CFAP299: variants seen among roughly 807,000 people sequenced by gnomAD.
The protein encoded by CFAP299 is cilia and flagella associated protein 299, also known as cilia- and flagella-associated protein 299.
In CFAP299, 21 loss-of-function variants were observed where a neutral mutation model predicts 27.0. That is an observed-to-expected ratio of 0.78 (90% CI 0.55 to 1.12). The LOEUF is 1.12. CFAP299 is among the 50% of genes most tolerant of loss of function. CFAP299 has a pLI of 0.00. For missense variants in CFAP299, 310 were observed against 276.6 expected, an observed-to-expected ratio of 1.12 and a Z score of -0.86; for synonymous variants, 104 against 98.1, an observed-to-expected ratio of 1.06 and a Z score of -0.36.
At chr4:80,874,223 A>C (rs1224882733) in intron 4 of CFAP299, among the ~76,000 whole-genome samples, 1 of 152,186 alleles carries the variant, frequency 6.6e-6, no homozygotes, top group East Asian at 1.9e-4. Context: ...TGTTCATTAG[A>C]ATATTAGTTT....
At chr4:80,785,261 C>T (rs1209449348) in intron 3 of CFAP299, among the ~76,000 whole-genome samples, 1 of 151,752 alleles carries the variant, frequency 6.6e-6, no homozygotes, top group African/African-American at 2.4e-5. Context: ...ATGTGGAAAT[C>T]CAGTTTTCCT....
intron 3 of CFAP299, among the ~76,000 whole-genome samples, chr4:80,591,116 T>TA (rs1560642970): frequency 5.6e-5 from 8 of 142,930 alleles, no homozygotes; most frequent in Non-Finnish European, 1.1e-4. Flanking sequence ...TTTTTTTTTT[T>TA]TTTTTTTTTT....
At chr4:80,871,381 G>A in intron 4 of CFAP299, 9 of 985,344 alleles carry the variant, frequency 9.1e-6, no homozygotes, top group Non-Finnish European at 1.1e-5. Context: ...TGCACTTGTA[G>A]CTACCCCACT....
At chr4:80,443,704 T>G (rs777323999) in intron 2 of CFAP299, among the ~76,000 whole-genome samples, 1 of 152,040 alleles carries the variant, frequency 6.6e-6, no homozygotes, top group Admixed American at 6.6e-5. Flanking sequence ...GAGAAAGAAA[T>G]AAAGGGTATT....
chr4:80,374,367 G>T (rs1268281683), intron 2 of CFAP299, among the ~76,000 whole-genome samples: 1 of 151,998 alleles, frequency 6.6e-6, no homozygotes, highest in African/African-American at 2.4e-5. Context: ...TCAGCCTGGT[G>T]GCCAGAAGTG....
chr4:80,391,588 T>C (rs1442100862), intron 2 of CFAP299, among the ~76,000 whole-genome samples: 1 of 152,200 alleles, frequency 6.6e-6, no homozygotes, highest in African/African-American at 2.4e-5. Flanking sequence ...TTCTTATTTC[T>C]TGGTGATGTC....
At chr4:80,681,669 T>A (rs1011917595) in intron 3 of CFAP299, among the ~76,000 whole-genome samples, 1 of 152,046 alleles carries the variant, frequency 6.6e-6, no homozygotes, top group African/African-American at 2.4e-5. Flanking sequence ...AGAATCAAAT[T>A]TGAAAAGAAT....
intron 3 of CFAP299, among the ~76,000 whole-genome samples, chr4:80,721,700 A>C (rs1722822231): frequency 6.6e-6 from 1 of 152,206 alleles, no homozygotes; most frequent in African/African-American, 2.4e-5. Flanking sequence ...AGAAAATTTT[A>C]AGAGAAATAG....
chr4:80,339,714 T>C (rs1388088341), intron 1 of CFAP299, among the ~76,000 whole-genome samples: 1 of 152,218 alleles, frequency 6.6e-6, no homozygotes, highest in East Asian at 1.9e-4. Flanking sequence ...ATTAACTTAA[T>C]TCCCTAAATC....
rs1229926351 is a variant in CFAP299 at position 80,799,489 on chromosome 4, TATATA to T, written c.334-70498_334-70494del. 7.8e-3 allele frequency among the ~76,000 whole-genome samples: 639 copies of T among 82,004 alleles called. 11 individuals are homozygous for T. The highest frequency in any genetic ancestry group is 0.03 in the African/African-American group (596 of 20,160). 53.8% of individuals were successfully genotyped at this position (82,004 alleles called of 152,430 possible). On this transcript the variant is annotated intron_variant, in intron 3 of 5. Coordinates refer to ENST00000358105, the MANE Select transcript of CFAP299 (RefSeq NM_152770.3). ...TTTATAAATATATATTTATTAAATA[TATATA>T]ATATATTTTATAAATGTATATTTAT... is the stretch of plus-strand genomic sequence containing the variant.
intron 4 of CFAP299, among the ~76,000 whole-genome samples, chr4:80,904,709 T>C (rs918478536): frequency 1.3e-5 from 2 of 152,146 alleles, no homozygotes; most frequent in African/African-American, 4.8e-5. Context: ...TTTCTCATGG[T>C]TCAGCCTAGC....
intron 2 of CFAP299, among the ~76,000 whole-genome samples, chr4:80,480,799 C>G (rs1730526170): frequency 1.3e-5 from 2 of 151,900 alleles, no homozygotes; most frequent in Admixed American, 6.6e-5. Context: ...TTTTTCTGAT[C>G]ATTTGCAATT....
At position 80,386,133 on chromosome 4, in the gene CFAP299, A is replaced by AG. The variant is rs1447067957; in HGVS notation, c.242+23249_242+23250insG. 2.5e-5 allele frequency: 13 copies of AG among 511,340 alleles called. No homozygotes were observed. In the East Asian group the frequency reaches 3.6e-4, roughly 14 times the overall value. The allele number at this position is 511,340 out of a possible 1,614,324, so 31.7% of individuals were successfully genotyped here. ...TCTGCCCCCAGGGAGCCTGGACCCA[A>AG]ACATGAGCATCAGGCCTTCCCAGGA... On this transcript the variant is annotated intron_variant, in intron 2 of 5. Coordinates refer to ENST00000358105, the MANE Select transcript of CFAP299 (RefSeq NM_152770.3).
intron 3 of CFAP299, among the ~76,000 whole-genome samples, chr4:80,757,393 A>G (rs1180553890): frequency 1.3e-5 from 2 of 152,184 alleles, no homozygotes; most frequent in Admixed American, 1.3e-4. Flanking sequence ...GAGCAATTAA[A>G]TTTATAAGAA....
chr4:80,940,477 A>G (rs902584753), intron 4 of CFAP299, among the ~76,000 whole-genome samples: 78 of 152,188 alleles, frequency 5.1e-4, no homozygotes, highest in African/African-American at 1.9e-3. Flanking sequence ...GTTCTTACCC[A>G]CTTCAGTGTG....
intron 3 of CFAP299, among the ~76,000 whole-genome samples, chr4:80,614,419 G>GTTCAATAAAGCTC (rs1738166482): frequency 6.6e-6 from 1 of 152,118 alleles, no homozygotes; most frequent in Non-Finnish European, 1.5e-5. Context: ...TTAAACTAAG[G>GTTCAATAAAGCTC]CACTTCTATT....
chr4:80,740,430 G>T (rs1459705772), intron 3 of CFAP299, among the ~76,000 whole-genome samples: 1 of 152,170 alleles, frequency 6.6e-6, no homozygotes, highest in Admixed American at 6.5e-5. Flanking sequence ...GGATTACCAG[G>T]CAGAGACTCT....
chr4:80,661,670 T>G (rs1740856536), intron 3 of CFAP299, among the ~76,000 whole-genome samples: 1 of 152,114 alleles, frequency 6.6e-6, no homozygotes, highest in Non-Finnish European at 1.5e-5. Flanking sequence ...TTAAACGATA[T>G]GAAATCTGGG....
intron 3 of CFAP299, among the ~76,000 whole-genome samples, chr4:80,710,907 G>A (rs191387114): frequency 1.3e-5 from 2 of 152,246 alleles, no homozygotes; most frequent in East Asian, 1.9e-4. Context: ...AGTAGTGTAA[G>A]GAACATGACT....
Sources: gnomAD v4.1 joint callset for allele counts (sites outside exome capture counted in the v4.1 genomes callset) on GRCh38, gnomAD v4.1.1 for gene constraint, MANE v1.5 for transcripts, NCBI Gene and HGNC (gene_info 2026-07-23, HGNC 2026-07-21) for gene names.